Variants in EHMT1 observed in about 807,000 individuals in gnomAD.
EHMT1 encodes euchromatic histone lysine methyltransferase 1.
In EHMT1, 15 loss-of-function variants were observed where a neutral mutation model predicts 147.2. The observed-to-expected ratio is 0.10, with a 90% CI of 0.07 to 0.16. EHMT1 has a LOEUF of 0.16. EHMT1 is among the 10% of genes least tolerant of loss of function. The pLI, the probability that EHMT1 is intolerant of heterozygous loss-of-function variation, is 1.00. For synonymous variants in EHMT1, 795 were observed against 709.6 expected (o/e 1.12, Z -1.91); for missense variants, 1,587 against 1,772.4 (o/e 0.90, Z 1.88).
At chr9:137,675,301 C>T (rs1265818582) in intron 1 of EHMT1, 1 of 152,134 alleles carries the variant, frequency 6.6e-6, no homozygotes, top group African/African-American at 2.4e-5. Flanking sequence ...AAATGAGTTG[C>T]TAGATTATTC....
chr9:137,817,872 T>C lies in EHMT1; in HGVS notation c.3462-188T>C, dbSNP rs10283789. Reference sequence around the variant, plus strand: ...GCAGACGCAGAGCTTTCGGTATCGTTATCATCATCCTCCGGACCCTCAGCT... The same window carrying C: ...GCAGACGCAGAGCTTTCGGTATCGTCATCATCATCCTCCGGACCCTCAGCT... On this transcript the variant is annotated intron_variant, in intron 24 of 26. Coordinates refer to ENST00000460843, the MANE Select transcript of EHMT1 (RefSeq NM_024757.5). 33,529 of 658,994 alleles carry C rather than the reference T, an allele frequency of 0.051. 7,561 individuals are homozygous for C. In the African/African-American group the frequency reaches 0.51, roughly 10 times the overall value. 40.8% of individuals were successfully genotyped at this position (658,994 alleles called of 1,614,324 possible). A position where few individuals can be genotyped will look rare whatever the true frequency, so the allele number is the denominator to read the frequency against.
At position 137,787,905 on chromosome 9, in the gene EHMT1, T is replaced by C. The variant is rs1288774969; in HGVS notation, c.2383-2943T>C. 3 of 1,448,242 alleles carry C rather than the reference T, an allele frequency of 2.1e-6. No individual in the cohort carries two copies. The highest frequency in any genetic ancestry group is 2.9e-6 in the Non-Finnish European group (3 of 1,033,504). 89.7% of individuals were successfully genotyped at this position (1,448,242 alleles called of 1,614,324 possible). On this transcript the variant is annotated intron_variant, in intron 15 of 26. Transcript: ENST00000460843. The surrounding 1 kb of genome is among the most constrained non-coding windows in gnomAD (Gnocchi z 4.2). ...CAAGGGCATTACCACATTGGGAGTG[T>C]AGATTGGCAAGTAGGAGGTGGGCAG...
At chr9:137,712,595 A>G (rs1230040038) in intron 2 of EHMT1, among the ~76,000 whole-genome samples, 1 of 152,144 alleles carries the variant, frequency 6.6e-6, no homozygotes, top group African/African-American at 2.4e-5. Flanking sequence ...CTTTGGAGAA[A>G]TATCTCTTCT....
chr9:137,730,829 G>C (rs1054105664), intron 4 of EHMT1, among the ~76,000 whole-genome samples: 3 of 152,212 alleles, frequency 2.0e-5, no homozygotes, highest in African/African-American at 7.2e-5. Context: ...GCTTTCTCCA[G>C]GGAGCCCTGG....
chr9:137,814,254 C>G (rs1227623950), intron 21 of EHMT1, 177 bp from the exon 22 acceptor site: 5 of 709,468 alleles, frequency 7.0e-6, no homozygotes, highest in Non-Finnish European at 1.0e-5. Context: ...CCCACAGGCA[C>G]TCGACATGTT....
intron 1 of EHMT1, chr9:137,637,511 C>T (rs1162445293): frequency 6.6e-6 from 1 of 151,720 alleles, no homozygotes. Context: ...GATAGGTGGT[C>T]TTGCTCTGTG....
Position 137,776,913 on chromosome 9 carries a change from C to A in EHMT1, c.2018+69C>A. The A allele has an allele frequency of 7.0e-7, 1 of 1,431,218 alleles. No individual in the cohort carries two copies. The highest frequency in any genetic ancestry group is 9.7e-7 in the Non-Finnish European group (1 of 1,031,810). The allele number at this position is 1,431,218 out of a possible 1,614,324, so 88.7% of individuals were successfully genotyped here. On this transcript the variant is annotated intron_variant, in intron 12 of 26. Transcript: ENST00000460843. The surrounding 1 kb of genome is among the most constrained non-coding windows in gnomAD (Gnocchi z 4.4). ...GAAAAAGTTTCAGTTGTTAACTCAA[C>A]GTTATTGCTTCCTGCTGTTTTTTCC... is the stretch of plus-strand genomic sequence containing the variant.
At position 137,787,513 on chromosome 9, in the gene EHMT1, C is replaced by T. The variant is rs906793305; in HGVS notation, c.2383-3335C>T. Among the ~76,000 whole-genome samples, 2 of 152,330 alleles carry T rather than the reference C, an allele frequency of 1.3e-5. No individual in the cohort carries two copies. Among genetic ancestry groups the T allele is most frequent in the South Asian group, 4.1e-4 (2 of 4,832 alleles). On this transcript the variant is annotated intron_variant, in intron 15 of 26. Coordinates refer to ENST00000460843, the MANE Select transcript of EHMT1 (RefSeq NM_024757.5). The surrounding 1 kb of genome is among the most constrained non-coding windows in gnomAD (Gnocchi z 4.2). ...CGTGCCCAGCTCGGCCACGGCCACA[C>T]GTGGGGTAGTTAGTAAACACCATGG...
intron 25 of EHMT1, among the ~76,000 whole-genome samples, chr9:137,826,277 T>C (rs1955808579): frequency 6.6e-6 from 1 of 152,220 alleles, no homozygotes; most frequent in Non-Finnish European, 1.5e-5. Flanking sequence ...TTGCTGCTTA[T>C]CTTCTTCTTT....
Position 137,787,696 on chromosome 9 carries a change from G to A in EHMT1, c.2383-3152G>A. 1.5e-6 allele frequency: 1 copy of A among 682,956 alleles called. No homozygotes were observed. Among genetic ancestry groups the A allele is most frequent in the South Asian group, 1.7e-5 (1 of 58,170 alleles). The allele number at this position is 682,956 out of a possible 1,614,324, so 42.3% of individuals were successfully genotyped here. A position where few individuals can be genotyped will look rare whatever the true frequency, so the allele number is the denominator to read the frequency against. ...GCTGCACCGGGAGAGCAGCCCGCCTGGGCCAGGGGCCGCCAGGTCCCCAGG... is the reference window on the plus strand; with the variant it reads ...GCTGCACCGGGAGAGCAGCCCGCCTAGGCCAGGGGCCGCCAGGTCCCCAGG... On this transcript the variant is annotated intron_variant, in intron 15 of 26. Transcript: ENST00000460843. This position sits in a 1 kb window ranked among gnomAD's most constrained non-coding sequence, Gnocchi z 4.2.
intron 2 of EHMT1, among the ~76,000 whole-genome samples, chr9:137,714,869 A>G (rs1945071005): frequency 1.3e-5 from 2 of 152,062 alleles, no homozygotes; most frequent in Admixed American, 1.3e-4. Context: ...ATTTGAGGGG[A>G]CTTGACAGCT....
intron 1 of EHMT1, among the ~76,000 whole-genome samples, chr9:137,701,994 A>G (rs977633351): frequency 6.6e-6 from 1 of 152,034 alleles, no homozygotes; most frequent in African/African-American, 2.4e-5. Flanking sequence ...GGGTTTCACC[A>G]TGTTGGCCAG....
chr9:137,755,762 G>A (rs1264778229), intron 8 of EHMT1, among the ~76,000 whole-genome samples: 1 of 152,242 alleles, frequency 6.6e-6, no homozygotes, highest in Non-Finnish European at 1.5e-5. Flanking sequence ...CAGTGGATCT[G>A]TGGGTGTGCA....
Position 137,777,892 on chromosome 9 carries a change from C to A in EHMT1, c.2029C>A (p.Pro677Thr). The change falls in exon 13 of 27, where the codon CCA (proline) becomes ACA (threonine). Residue 677 changes from proline to threonine, a missense_variant. Physicochemically the swap from Pro to Thr is conservative, Grantham distance 38 (BLOSUM62 -1). Around this residue, in one of 7 missense-constraint regions of EHMT1, gnomAD observed 77 missense variants for 79.3 expected, o/e 0.97. Transcript: ENST00000460843. ...TTTCCTCCCCTGAAGTGCTGCCGGG[C>A]CACCACTCTCGGAGGACGACAAGCT... ...ADTTTGSAAG[P>T]PLSEDDKLQG... 6.8e-6 allele frequency: 11 copies of A among 1,613,306 alleles called. No homozygotes were observed. The highest frequency in any genetic ancestry group is 2.2e-5 in the South Asian group (2 of 91,042).
At chr9:137,666,080 CTT>C (rs1939613597) in intron 1 of EHMT1, 1 of 152,280 alleles carries the variant, frequency 6.6e-6, no homozygotes, top group South Asian at 2.1e-4. Context: ...CTTAATCCCT[CTT>C]TCTTTTACAT....
intron 1 of EHMT1, among the ~76,000 whole-genome samples, chr9:137,707,209 C>T (rs1200916990): frequency 1.3e-5 from 2 of 152,356 alleles, no homozygotes; most frequent in Middle Eastern, 3.4e-3. Context: ...CATAAGGAGA[C>T]TTGGCAGCGC....
At chr9:137,815,642 GGT>G in intron 22 of EHMT1, 1 of 430,864 alleles carries the variant, frequency 2.3e-6, no homozygotes, top group South Asian at 2.1e-5. Flanking sequence ...TGGCAGCCTC[GGT>G]GAGGCTGGAG....
At chr9:137,778,108 ACCCCGCGTTTTT>A (rs1345330191) in intron 13 of EHMT1, 53 bp downstream of exon 13, 2 of 1,609,704 alleles carry the variant, frequency 1.2e-6, no homozygotes, top group East Asian at 4.5e-5. Flanking sequence ...TTTAATCTGC[ACCCCGCGTTTTT>A]CCCCATGGTG....
intron 18 of EHMT1, among the ~76,000 whole-genome samples, chr9:137,809,934 C>T (rs1431252485): frequency 1.6e-5 from 2 of 126,254 alleles, no homozygotes; most frequent in African/African-American, 4.7e-5. Flanking sequence ...GTGATGGGTC[C>T]GGAGGTGGTT....
Sources: allele counts gnomAD v4.1 joint callset (sites outside exome capture counted in the v4.1 genomes callset), GRCh38; gene constraint gnomAD v4.1.1; regional missense constraint gnomAD v4.1.1; non-coding constraint Gnocchi (gnomAD v3.1); transcripts MANE v1.5; gene names NCBI Gene and HGNC (gene_info 2026-07-23, HGNC 2026-07-21).